The following CORO1C variants were observed in gnomAD, a reference collection of about 807,000 sequenced individuals.
The protein encoded by CORO1C is coronin-1C.
A neutral mutation model predicts 51.2 loss-of-function variants in CORO1C; 14 were observed. The observed-to-expected ratio is 0.27, with a 90% CI of 0.18 to 0.43. The LOEUF (loss-of-function observed/expected upper bound fraction) is 0.43. CORO1C is among the 20% of genes least tolerant of loss of function. The probability of loss-of-function intolerance (pLI) is 1.00; values close to 1 mark genes in which losing one functional copy is unlikely to be tolerated. For synonymous variants in CORO1C, 181 were observed against 210.5 expected (o/e 0.86, Z 1.21); for missense variants, 417 against 607.8 (o/e 0.69, Z 3.30).
Position 108,662,169 on chromosome 12 carries a change from A to C in CORO1C, c.319-11T>G. The C allele has an allele frequency of 6.2e-7, 1 of 1,612,404 alleles. No homozygotes were observed. Among genetic ancestry groups the C allele is most frequent in the East Asian group, 2.2e-5 (1 of 44,884 alleles). On this transcript the variant is annotated splice_polypyrimidine_tract_variant and intron_variant, in intron 3 of 10. Coordinates refer to ENST00000261401, the MANE Select transcript of CORO1C (RefSeq NM_014325.4). The stretch of plus-strand genomic sequence containing the variant: ...TGGGATCTGCCATACCTGTTGGACA[A>C]GGAAGAAAGATGATCCACATGAAAG...
intron 1 of CORO1C, among the ~76,000 whole-genome samples, chr12:108,715,330 T>C (rs1042973871): frequency 3.3e-5 from 5 of 152,222 alleles, no homozygotes; most frequent in Admixed American, 3.3e-4. Context: ...TAATGAGGCC[T>C]GTAACTCACT....
intron 1 of CORO1C, among the ~76,000 whole-genome samples, chr12:108,707,642 C>T (rs2035063592): frequency 6.6e-6 from 1 of 152,106 alleles, no homozygotes; most frequent in Non-Finnish European, 1.5e-5. Flanking sequence ...AACTGGATTC[C>T]ATCAAAATTT....
chr12:108,711,296 G>C (rs1317331897), intron 1 of CORO1C, among the ~76,000 whole-genome samples: 1 of 152,134 alleles, frequency 6.6e-6, no homozygotes, highest in Non-Finnish European at 1.5e-5. Context: ...CTTGAACCCA[G>C]GAAATCAAGG....
intron 1 of CORO1C, among the ~76,000 whole-genome samples, chr12:108,721,475 T>C (rs2035471606): frequency 6.6e-6 from 1 of 152,210 alleles, no homozygotes; most frequent in South Asian, 2.1e-4. Flanking sequence ...AGTCATGTGC[T>C]TGAGGGCTGG....
intron 3 of CORO1C, among the ~76,000 whole-genome samples, chr12:108,666,143 TGAG>T (rs2033467579): frequency 6.6e-6 from 1 of 152,168 alleles, no homozygotes; most frequent in South Asian, 2.1e-4. Context: ...GAGCAGAATA[TGAG>T]GAGAAATTGA....
At chr12:108,715,644 T>TC (rs905390161) in intron 1 of CORO1C, among the ~76,000 whole-genome samples, 41 of 33,800 alleles carry the variant, frequency 1.2e-3, no homozygotes, top group Non-Finnish European at 1.5e-3. Context: ...CCTCCCCCCC[T>TC]CCCCCCCGCA....
At chr12:108,672,653 TTTTG>T (rs2033761170) in intron 3 of CORO1C, among the ~76,000 whole-genome samples, 1 of 150,686 alleles carries the variant, frequency 6.6e-6, no homozygotes, top group Non-Finnish European at 1.5e-5. Flanking sequence ...GGTGTTTTTG[TTTTG>T]TTTTTTTTTT....
intron 3 of CORO1C, among the ~76,000 whole-genome samples, chr12:108,676,747 G>T (rs1444094791): frequency 6.7e-6 from 1 of 150,264 alleles, no homozygotes; most frequent in Non-Finnish European, 1.5e-5. Flanking sequence ...ACTCCAACCT[G>T]GGTGACAAAG....
In CORO1C at chr12:108,654,351, C is replaced by A; in HGVS notation, c.810G>T (p.Leu270=). The part of the protein sequence containing the change: ...HEMDTSNGVL[L]PFYDPDTSII... The stretch of plus-strand genomic sequence containing the variant: ...TGCTGGTGTCAGGGTCATAGAAAGG[C>A]AGCAACACCCCATTGCTAGTGTCCA... Residue 270 remains leucine (L), a synonymous_variant, in exon 7 of 11, where the codon CTG becomes CTT. Transcript: ENST00000261401. 1.2e-6 allele frequency: 2 copies of A among 1,613,598 alleles called. No homozygotes were observed. The highest frequency in any genetic ancestry group is 1.7e-6 in the Non-Finnish European group (2 of 1,179,546).
intron 1 of CORO1C, among the ~76,000 whole-genome samples, chr12:108,718,063 C>T (rs2035382882): frequency 6.6e-6 from 1 of 151,606 alleles, no homozygotes; most frequent in Non-Finnish European, 1.5e-5. Context: ...ATTAAAAATA[C>T]AAAAATTAGG....
At chr12:108,724,293 G>C (rs1037277127) in intron 1 of CORO1C, among the ~76,000 whole-genome samples, 3 of 152,198 alleles carry the variant, frequency 2.0e-5, no homozygotes, top group African/African-American at 7.2e-5. Flanking sequence ...CTGGGTCAAA[G>C]ACTACAAAGG....
intron 8 of CORO1C, chr12:108,649,299 G>A: frequency 2.1e-6 from 1 of 481,180 alleles, no homozygotes; most frequent in Non-Finnish European, 3.7e-6. Context: ...TTATCTGGGG[G>A]ACAGACCAAC....
chr12:108,662,249 T>C, intron 3 of CORO1C, 91 bp from the exon 4 acceptor site: 1 of 1,113,976 alleles, frequency 9.0e-7, no homozygotes, highest in African/African-American at 1.5e-5. Context: ...AGATTTGCTC[T>C]ATGTAAACAG....
intron 4 of CORO1C, among the ~76,000 whole-genome samples, chr12:108,660,451 C>CAAAAAAAAAAAAAAAAAAAAAAAAAA (rs139334112): frequency 1.1e-5 from 1 of 87,510 alleles, no homozygotes; most frequent in Non-Finnish European, 2.3e-5. Flanking sequence ...AACTCCATCT[C>CAAAAAAAAAAAAAAAAAAAAAAAAAA]AAAAAAAAAA....
intron 6 of CORO1C, among the ~76,000 whole-genome samples, chr12:108,655,369 C>G (rs542597870): frequency 1.0e-3 from 158 of 150,588 alleles, no homozygotes; most frequent in African/African-American, 3.6e-3. Context: ...TCCCCCTCCC[C>G]CTCCCCCTCT....
intron 3 of CORO1C, among the ~76,000 whole-genome samples, chr12:108,676,046 G>A (rs537820076): frequency 1.0e-3 from 154 of 152,288 alleles, no homozygotes; most frequent in Non-Finnish European, 1.8e-3. Context: ...GGAATCTTTA[G>A]ATTAAGACTT....
At chr12:108,653,787 T>C (rs368216647) in intron 7 of CORO1C, among the ~76,000 whole-genome samples, 1 of 152,080 alleles carries the variant, frequency 6.6e-6, no homozygotes, top group African/African-American at 2.4e-5. Context: ...ACAAGAACCC[T>C]CTGGAGAGTC....
intron 1 of CORO1C, among the ~76,000 whole-genome samples, chr12:108,726,895 G>C (rs945293810): frequency 6.6e-6 from 1 of 152,140 alleles, no homozygotes; most frequent in Non-Finnish European, 1.5e-5. Flanking sequence ...TCTGCCATTG[G>C]GGAAATGTTT....
intron 3 of CORO1C, among the ~76,000 whole-genome samples, chr12:108,670,685 G>GA (rs905471826): frequency 1.2e-4 from 17 of 147,388 alleles, no homozygotes; most frequent in African/African-American, 3.0e-4. Flanking sequence ...AAATAAGCAA[G>GA]AAAAAAAAAT....
Sources: gnomAD v4.1 joint callset for allele counts (sites outside exome capture counted in the v4.1 genomes callset) on GRCh38, gnomAD v4.1.1 for gene constraint, MANE v1.5 for transcripts, NCBI Gene and HGNC (gene_info 2026-07-23, HGNC 2026-07-21) for gene names.